Variants in CELF2 observed in about 807,000 individuals in gnomAD.
CELF2 encodes the protein CUG triplet repeat RNA-binding protein 2.
Under a neutral mutation model 62.6 loss-of-function variants are expected in CELF2, and 8 were observed. The observed-to-expected ratio is 0.13, with a 90% confidence interval of 0.07 to 0.23. The LOEUF (loss-of-function observed/expected upper bound fraction) is 0.23, where lower values mean the gene tolerates loss of function less well. Among genes scored for constraint, CELF2 ranks in the 10% least tolerant of loss-of-function variants. The pLI is 1.00. For synonymous variants in CELF2, 258 were observed against 250.0 expected, an observed-to-expected ratio of 1.03 and a Z score of -0.30; for missense variants, 333 against 671.0, an observed-to-expected ratio of 0.50 and a Z score of 5.56.
intron 2 of CELF2, among the ~76,000 whole-genome samples, chr10:11,185,426 G>A (rs948077305): frequency 7.2e-5 from 11 of 152,004 alleles, no homozygotes; most frequent in African/African-American, 2.7e-4. Flanking sequence ...TGCACCCACT[G>A]CCCCCAAGAT....
intron 1 of CELF2, among the ~76,000 whole-genome samples, chr10:11,037,201 T>C (rs61830394): frequency 0.026 from 3,989 of 152,332 alleles, 85 homozygotes; most frequent in South Asian, 0.04. Flanking sequence ...AGGGACATCT[T>C]ATATGGCGCA....
chr10:10,665,565 T>C, the CELF2 span, among the ~76,000 whole-genome samples: 1 of 152,200 alleles, frequency 6.6e-6, no homozygotes. Context: ...CCAGCAGGTA[T>C]TAAAATGTTG....
At chr10:11,166,572 CTGT>C (rs1379460392) in intron 2 of CELF2, among the ~76,000 whole-genome samples, 5 of 152,202 alleles carry the variant, frequency 3.3e-5, no homozygotes, top group African/African-American at 1.2e-4. Flanking sequence ...TCTTCTTTCT[CTGT>C]TGTTGATCTC....
intron 1 of CELF2, among the ~76,000 whole-genome samples, chr10:10,877,073 C>T (rs1443580865): frequency 6.6e-6 from 1 of 152,216 alleles, no homozygotes; most frequent in Non-Finnish European, 1.5e-5. Flanking sequence ...AAAGATGTGG[C>T]TCCATAAAGG....
Position 11,034,268 on chromosome 10 carries a change from G to A in CELF2, c.74+16105G>A, listed in dbSNP as rs2060601236. On this transcript the variant is annotated intron_variant, in intron 1 of 12. Transcript: ENST00000633077. ...TAAGGAATTTCTTGTTGAGATACAA[G>A]AAATTAACCGATGTAACTTTTAAGA... 5.3e-5 allele frequency among the ~76,000 whole-genome samples: 8 copies of A among 152,172 alleles called. No homozygotes were observed. The South Asian group carries it at 1.2e-3, about 24-fold the overall frequency.
chr10:11,103,487 A>ATTTTTTTT (rs3054364), intron 1 of CELF2, among the ~76,000 whole-genome samples: 11 of 119,734 alleles, frequency 9.2e-5, no homozygotes, highest in African/African-American at 2.4e-4. Flanking sequence ...TTGTAGCCTG[A>ATTTTTTTT]TTTTTTTTTT....
chr10:10,567,042 A>C, the CELF2 span, among the ~76,000 whole-genome samples: 1 of 152,214 alleles, frequency 6.6e-6, no homozygotes, highest in African/African-American at 2.4e-5. Flanking sequence ...ATAAAAGTGA[A>C]CTGGATGTTT....
the CELF2 span, among the ~76,000 whole-genome samples, chr10:10,718,619 G>C: frequency 3.6e-5 from 3 of 82,696 alleles, no homozygotes; most frequent in Non-Finnish European, 7.2e-5. Flanking sequence ...GCAAGACTCC[G>C]TCTCAAAAAA....
the CELF2 span, among the ~76,000 whole-genome samples, chr10:10,767,879 C>T: frequency 7.3e-6 from 1 of 137,822 alleles, no homozygotes; most frequent in Non-Finnish European, 1.5e-5. Flanking sequence ...GCCTGTAGTC[C>T]CAGCTACTCG....
chr10:10,710,907 A>C, the CELF2 span, among the ~76,000 whole-genome samples: 1 of 152,234 alleles, frequency 6.6e-6, no homozygotes, highest in Non-Finnish European at 1.5e-5. Flanking sequence ...AAGTACTCTC[A>C]ACCCATTTTA....
rs185977325 is a variant in CELF2, at chr10:11,303,640, C to A, written c.977-10499C>A. Among the ~76,000 whole-genome samples the A allele has an allele frequency of 1.9e-3, 286 of 152,262 alleles. 1 individual carries two copies. Among genetic ancestry groups the A allele is most frequent in the African/African-American group, 6.6e-3 (273 of 41,542 alleles). On this transcript the variant is annotated intron_variant, in intron 9 of 12. Transcript: ENST00000633077. Reference sequence around the variant, plus strand: ...TTCGTGAATAAACACTAAGCCTCAGCTGAATGGAGCAGATGGCCTAAGGTC... The same window carrying A: ...TTCGTGAATAAACACTAAGCCTCAGATGAATGGAGCAGATGGCCTAAGGTC...
the CELF2 span, among the ~76,000 whole-genome samples, chr10:10,486,259 C>A: frequency 1.3e-5 from 2 of 152,156 alleles, no homozygotes; most frequent in African/African-American, 4.8e-5. Context: ...AGAACTCCAA[C>A]CTTTTCCTTT....
intron 1 of CELF2, among the ~76,000 whole-genome samples, chr10:10,883,436 A>G (rs981947646): frequency 1.3e-5 from 2 of 152,206 alleles, no homozygotes; most frequent in Admixed American, 6.5e-5. Context: ...CTGCAATCCA[A>G]TGGCAGCTCT....
At chr10:10,880,141 A>G (rs931701152) in intron 1 of CELF2, among the ~76,000 whole-genome samples, 2 of 152,220 alleles carry the variant, frequency 1.3e-5, no homozygotes, top group South Asian at 2.1e-4. Context: ...GAACATCGCC[A>G]TGATTTGAGA....
At chr10:10,630,108 A>C in the CELF2 span, among the ~76,000 whole-genome samples, 5 of 152,072 alleles carry the variant, frequency 3.3e-5, no homozygotes, top group Admixed American at 1.3e-4. Context: ...CCCATCGCCC[A>C]CTTTCCCCGA....
chr10:10,961,351 C>T (rs374911058), intron 2 of CELF2, among the ~76,000 whole-genome samples: 1 of 152,024 alleles, frequency 6.6e-6, no homozygotes, highest in Non-Finnish European at 1.5e-5. Flanking sequence ...TGAAATGTTA[C>T]CATATTAAAG....
At chr10:10,834,855 G>C (rs569261345) in intron 1 of CELF2, among the ~76,000 whole-genome samples, 46 of 152,312 alleles carry the variant, frequency 3.0e-4, no homozygotes, top group Non-Finnish European at 5.0e-4. Flanking sequence ...CATGGTGCTT[G>C]TCCGATGCTG....
chr10:10,689,715 G>C, the CELF2 span, among the ~76,000 whole-genome samples: 3 of 152,074 alleles, frequency 2.0e-5, no homozygotes, highest in Non-Finnish European at 4.4e-5. Context: ...GCAAATAACC[G>C]AGAGTGTACA....
chr10:11,051,612 C>A (rs775370666), intron 1 of CELF2, among the ~76,000 whole-genome samples: 7 of 152,140 alleles, frequency 4.6e-5, no homozygotes, highest in Admixed American at 6.5e-5. Context: ...ATAACAGATA[C>A]GGTGACTGCC....
Sources: allele counts gnomAD v4.1 joint callset (sites outside exome capture counted in the v4.1 genomes callset), GRCh38; gene constraint gnomAD v4.1.1; transcripts MANE v1.5; gene names NCBI Gene and HGNC (gene_info 2026-07-23, HGNC 2026-07-21).